Variants in OSER1 observed in about 807,000 individuals in gnomAD.
OSER1 encodes the protein oxidative stress-responsive serine-rich protein 1.
Under a neutral mutation model 26.3 loss-of-function variants are expected in OSER1, and 15 were observed. The ratio of observed to expected loss-of-function variants is 0.57; its 90% CI spans 0.38 to 0.88. The LOEUF is 0.88. Ranked by LOEUF, OSER1 falls within the 40% of genes least tolerant of loss-of-function variation. The pLI is 0.00. For missense variants in OSER1, 313 were observed against 353.9 expected (o/e 0.88, Z 0.93); for synonymous variants, 127 against 128.2 (o/e 0.99, Z 0.07).
chr20:44,202,239 G>T (rs1193187354), intron 3 of OSER1, among the ~76,000 whole-genome samples: 1 of 152,140 alleles, frequency 6.6e-6, no homozygotes, highest in Non-Finnish European at 1.5e-5. Flanking sequence ...ACCCGGGCAT[G>T]GTGGCGGGCA....
In OSER1 at chr20:44,196,307, AAAAAAC is replaced by A. The variant is rs112121779; in HGVS notation, c.*739_*744del. Among the ~76,000 whole-genome samples, 6,641 of 144,290 alleles carry A rather than the reference AAAAAAC, an allele frequency of 0.046. 363 individuals carry two copies. Among genetic ancestry groups the A allele is most frequent in the African/African-American group, 0.15 (5,527 of 36,464 alleles). 94.7% of individuals were successfully genotyped at this position (144,290 alleles called of 152,430 possible). A position where few individuals can be genotyped will look rare whatever the true frequency, so the allele number is the denominator to read the frequency against. Reference sequence around the variant, plus strand: ...TACAACTGATAACAAAAAAAAAAAAAAAAAACCGCCATATATTTAAAATGCTGGAGA... The same window carrying A: ...TACAACTGATAACAAAAAAAAAAAAACGCCATATATTTAAAATGCTGGAGA... On this transcript the variant is annotated 3_prime_UTR_variant, in exon 4 of 4. Transcript: ENST00000255174.
chr20:44,197,691 T>C lies in OSER1; in HGVS notation c.240A>G (p.Arg80=). ...GATGAAGGACAGGAGACTTAGAACGTCGACGACGCTGAGTTCTCACTGCTC... is the reference window on the plus strand; with the variant it reads ...GATGAAGGACAGGAGACTTAGAACGCCGACGACGCTGAGTTCTCACTGCTC... ...SRGAVRTQRR[R]RSKSPVLHPP... is the part of the protein sequence containing the mutation. Residue 80 remains arginine, a synonymous_variant, in exon 4 of 4, where the codon CGA becomes CGG. Coordinates refer to ENST00000255174, the MANE Select transcript of OSER1 (RefSeq NM_016470.8). The C allele has an allele frequency of 1.2e-6, 2 of 1,614,002 alleles. No homozygotes were observed. Among genetic ancestry groups the C allele is most frequent in the South Asian group, 2.2e-5 (2 of 91,072 alleles).
chr20:44,202,260 C>T (rs2072990920), intron 3 of OSER1, among the ~76,000 whole-genome samples: 1 of 152,056 alleles, frequency 6.6e-6, no homozygotes, highest in Non-Finnish European at 1.5e-5. Context: ...CCTGCGTAAC[C>T]CCAGGTACCT....
chr20:44,202,143 AG>A (rs2072988804), intron 3 of OSER1, among the ~76,000 whole-genome samples: 1 of 152,226 alleles, frequency 6.6e-6, no homozygotes, highest in South Asian at 2.1e-4. Flanking sequence ...TGGGAAGCCG[AG>A]GTGGGTGGAT....
intron 3 of OSER1, among the ~76,000 whole-genome samples, chr20:44,200,833 TA>T: frequency 6.6e-6 from 1 of 152,284 alleles, no homozygotes; most frequent in South Asian, 2.1e-4. Context: ...CTAGAAAGAT[TA>T]TTTCCAAATT....
chr20:44,200,665 T>C (rs1184151086), intron 3 of OSER1, among the ~76,000 whole-genome samples: 2 of 152,198 alleles, frequency 1.3e-5, no homozygotes, highest in Admixed American at 6.5e-5. Flanking sequence ...GTGATTTTTA[T>C]AGACATAATG....
chr20:44,210,543 C>T (rs2073093600), intron 1 of OSER1, among the ~76,000 whole-genome samples, 153 bp downstream of exon 1: 1 of 152,216 alleles, frequency 6.6e-6, no homozygotes, highest in Middle Eastern at 3.4e-3. Context: ...GATAAGGGGG[C>T]GCGGAGAGGC....
intron 2 of OSER1, 48 bp downstream of exon 2, chr20:44,206,833 A>C (rs192810455): frequency 1.2e-6 from 1 of 812,606 alleles, no homozygotes; most frequent in East Asian, 2.7e-5. Flanking sequence ...GGACTATTTA[A>C]AATAAGTAAA....
At chr20:44,210,472 G>A (rs1156367864) in intron 1 of OSER1, among the ~76,000 whole-genome samples, 1 of 152,200 alleles carries the variant, frequency 6.6e-6, no homozygotes, top group African/African-American at 2.4e-5. Flanking sequence ...GCGGGAGGAC[G>A]GGAAGGCGGG....
At chr20:44,200,281 G>T (rs1479549181) in intron 3 of OSER1, among the ~76,000 whole-genome samples, 1 of 152,192 alleles carries the variant, frequency 6.6e-6, no homozygotes, top group Admixed American at 6.5e-5. Context: ...ACAGAAAGTA[G>T]AACTGACCCT....
intron 2 of OSER1, among the ~76,000 whole-genome samples, chr20:44,204,375 T>C (rs1456507554): frequency 3.3e-5 from 5 of 152,242 alleles, no homozygotes; most frequent in Non-Finnish European, 7.3e-5. Flanking sequence ...ACAAGTCTTA[T>C]TCTGCTTAGT....
In OSER1 at chr20:44,203,007, C is replaced by A; in HGVS notation, c.145G>T (p.Asp49Tyr). The A allele has an allele frequency of 6.2e-7, 1 of 1,613,498 alleles. No homozygotes were observed. Among genetic ancestry groups the A allele is most frequent in the Non-Finnish European group, 8.5e-7 (1 of 1,179,446 alleles). ...GCACATGTGGTTTTAGGTTTGGTAT[C>A]ATCTGTTGCTGTTCTGACTGGTGCT... ...VRAPVRTATD[D>Y]TKPKTTCASK... The change falls in exon 3 of 4, where the codon GAT (aspartate) becomes TAT (tyrosine). Residue 49 changes from aspartate to tyrosine, a missense_variant. This residue lies in a region of OSER1 where 300 missense variants were observed against 318.3 expected (regional missense o/e 0.94). Transcript: ENST00000255174.
In OSER1 at chr20:44,209,165, T is replaced by C. The variant is rs557728243; in HGVS notation, c.-42+1531A>G. On this transcript the variant is annotated intron_variant, in intron 1 of 3. Transcript: ENST00000255174. ...TAGCATGGCAGGTGATCACCCTAGA[T>C]GTTAATACAAACTTTACATTCCTGT... Among the ~76,000 whole-genome samples, 5 of 152,358 alleles carry C rather than the reference T, an allele frequency of 3.3e-5. No homozygotes were observed. The South Asian group carries it at 1.0e-3, about 32-fold the overall frequency.
At chr20:44,198,526 G>A (rs1449941440) in intron 3 of OSER1, among the ~76,000 whole-genome samples, 1 of 152,172 alleles carries the variant, frequency 6.6e-6, no homozygotes, top group Non-Finnish European at 1.5e-5. Context: ...GGCTGAGGCA[G>A]GAGAATGGCG....
intron 1 of OSER1, among the ~76,000 whole-genome samples, chr20:44,208,945 C>A (rs1000681883): frequency 6.6e-6 from 1 of 152,178 alleles, no homozygotes; most frequent in African/African-American, 2.4e-5. Context: ...GGCAGAAATT[C>A]ATTTCTTTCA....
intron 2 of OSER1, among the ~76,000 whole-genome samples, chr20:44,204,344 G>C: frequency 6.6e-6 from 1 of 152,118 alleles, no homozygotes; most frequent in East Asian, 1.9e-4. Flanking sequence ...AAAACAACTA[G>C]AATGTATGAT....
chr20:44,195,966 G>A lies in OSER1; in HGVS notation c.*1086C>T, dbSNP rs2072913684. ...TTAGTAAATAGTATAAATGTATTTT[G>A]TAATTTAAACAAAAGCTTCTGTTAA... On this transcript the variant is annotated 3_prime_UTR_variant, in exon 4 of 4. Transcript: ENST00000255174. 6.6e-6 allele frequency among the ~76,000 whole-genome samples: 1 copy of A among 152,156 alleles called. No individual in the cohort carries two copies. Among genetic ancestry groups the A allele is most frequent in the Non-Finnish European group, 1.5e-5 (1 of 68,024 alleles).
intron 3 of OSER1, 34 bp from the exon 4 acceptor site, chr20:44,197,773 G>T: frequency 7.0e-7 from 1 of 1,419,074 alleles, no homozygotes; most frequent in Non-Finnish European, 9.8e-7. Flanking sequence ...AGAAGATGTT[G>T]GGATATGGAG....
rs141299525 is a variant in OSER1 at position 44,203,946 on chromosome 20, G to T, written c.78-872C>A. On this transcript the variant is annotated intron_variant, in intron 2 of 3. Transcript: ENST00000255174. Reference sequence around the variant, plus strand: ...AATTATTAGAAATTAAGTGTACAAAGAACTTTTAATGATATGGGGGAATGC... The same window carrying T: ...AATTATTAGAAATTAAGTGTACAAATAACTTTTAATGATATGGGGGAATGC... 4.5e-4 allele frequency among the ~76,000 whole-genome samples: 69 copies of T among 152,218 alleles called. No homozygotes were observed. The East Asian group carries it at 0.013, about 28-fold the overall frequency.
Sources: gnomAD v4.1 joint callset for allele counts (sites outside exome capture counted in the v4.1 genomes callset) on GRCh38, gnomAD v4.1.1 for gene constraint, gnomAD v4.1.1 regional missense constraint, MANE v1.5 for transcripts, NCBI Gene and HGNC (gene_info 2026-07-23, HGNC 2026-07-21) for gene names.